LMCD1: variants seen among roughly 807,000 people sequenced by gnomAD.
The protein encoded by LMCD1 is LIM and cysteine rich domains 1.
A neutral mutation model predicts 42.7 loss-of-function variants in LMCD1; 32 were observed. The ratio of observed to expected loss-of-function variants is 0.75; its 90% CI spans 0.57 to 1.01. The LOEUF (loss-of-function observed/expected upper bound fraction) is 1.01, where lower values mean the gene tolerates loss of function less well. Ranked by LOEUF, LMCD1 falls within the 50% of genes least tolerant of loss-of-function variation. The pLI is 0.00. For missense variants in LMCD1, 458 were observed against 483.1 expected (o/e 0.95, Z 0.49); for synonymous variants, 178 against 184.9 (o/e 0.96, Z 0.30).
chr3:8,548,584 A>C lies in LMCD1; in HGVS notation c.404A>C (p.Glu135Ala), dbSNP rs750712548. The C allele has an allele frequency of 6.2e-7, 1 of 1,612,612 alleles. No homozygotes were observed. Among genetic ancestry groups the C allele is most frequent in the Non-Finnish European group, 8.5e-7 (1 of 1,178,942 alleles). The change falls in exon 4 of 6, where the codon GAG (glutamate) becomes GCG (alanine). Residue 135 changes from glutamate to alanine, a missense_variant. Transcript: ENST00000157600. ...VTQKLGLQYM[E>A]LIPKEKQPVT... ...CCTCCCTAGGGACTGCAGTACATGG[A>C]GCTCATCCCCAAGGAGAAGCAGCCA...
chr3:8,564,603 CTCTT>C lies in LMCD1; in HGVS notation c.724-828_724-825del, dbSNP rs202006953. Among the ~76,000 whole-genome samples the C allele has an allele frequency of 3.9e-5, 6 of 152,310 alleles. No individual in the cohort carries two copies. The East Asian group carries it at 1.2e-3, about 29-fold the overall frequency. On this transcript the variant is annotated intron_variant, in intron 4 of 5. Coordinates refer to ENST00000157600, the MANE Select transcript of LMCD1 (RefSeq NM_014583.4). ...ATTATTTATTAAATATTATTTAAAA[CTCTT>C]CATGCACGGGTAAAAAGATCCATTC... is the stretch of plus-strand genomic sequence containing the variant.
At chr3:8,509,749 G>T (rs1574945554) in intron 1 of LMCD1, among the ~76,000 whole-genome samples, 1 of 152,200 alleles carries the variant, frequency 6.6e-6, no homozygotes, top group East Asian at 1.9e-4. Context: ...CACCTTCAGA[G>T]CCACATCTCA....
chr3:8,539,601 C>T (rs1694578758), intron 3 of LMCD1, among the ~76,000 whole-genome samples: 1 of 152,056 alleles, frequency 6.6e-6, no homozygotes, highest in Admixed American at 6.5e-5. Context: ...GCTTCAGGGA[C>T]CGGCTGGTGA....
At chr3:8,524,200 GAAAAAAAA>G (rs767993356) in intron 1 of LMCD1, among the ~76,000 whole-genome samples, 1 of 87,482 alleles carries the variant, frequency 1.1e-5, no homozygotes, top group African/African-American at 4.3e-5. Flanking sequence ...ACTTCTTAAG[GAAAAAAAA>G]AAAAAAAAAA....
At chr3:8,513,880 G>A (rs1254087235) in intron 1 of LMCD1, among the ~76,000 whole-genome samples, 1 of 152,046 alleles carries the variant, frequency 6.6e-6, no homozygotes, top group Non-Finnish European at 1.5e-5. Flanking sequence ...AAAGTGAAAG[G>A]CAATCCACAG....
intron 1 of LMCD1, among the ~76,000 whole-genome samples, chr3:8,510,015 A>G (rs536073558): frequency 2.0e-5 from 3 of 152,220 alleles, no homozygotes; most frequent in African/African-American, 7.2e-5. Context: ...TTTGGGTTGT[A>G]TTTTTCACAG....
At position 8,571,304 on chromosome 3, in the gene LMCD1, C is replaced by T. The variant is rs1695213854; in HGVS notation, c.*3706C>T. ...ATTTCCCCAACTCTTAGTACAAATC[C>T]TGGCAACTAAATGAAAGAACAAACA... is the stretch of plus-strand genomic sequence containing the variant. On this transcript the variant is annotated 3_prime_UTR_variant, in exon 6 of 6. Coordinates refer to ENST00000157600, the MANE Select transcript of LMCD1 (RefSeq NM_014583.4). 6.6e-6 allele frequency: 1 copy of T among 152,162 alleles called. No homozygotes were observed. The allele number at this position is 152,162 out of a possible 1,614,324, so 9.4% of individuals were successfully genotyped here.
intron 3 of LMCD1, among the ~76,000 whole-genome samples, chr3:8,542,292 A>G (rs1484232700): frequency 6.6e-6 from 1 of 152,086 alleles, no homozygotes; most frequent in Non-Finnish European, 1.5e-5. Context: ...ATGAACCACC[A>G]TGCCCAGCCC....
chr3:8,535,192 C>G (rs1694487674), intron 2 of LMCD1, among the ~76,000 whole-genome samples: 1 of 152,226 alleles, frequency 6.6e-6, no homozygotes, highest in South Asian at 2.1e-4. Flanking sequence ...TCCCCTGATA[C>G]TGCCTAGTGC....
At chr3:8,550,555 A>G in intron 4 of LMCD1, 3 of 985,198 alleles carry the variant, frequency 3.0e-6, no homozygotes, top group Non-Finnish European at 3.6e-6. Context: ...GGGATTGCCA[A>G]CCAAGAAACT....
intron 1 of LMCD1, among the ~76,000 whole-genome samples, chr3:8,516,003 G>A (rs779554970): frequency 5.3e-5 from 8 of 152,096 alleles, no homozygotes; most frequent in South Asian, 2.1e-4. Context: ...GGAAGCCAGC[G>A]CACCAAACCA....
intron 4 of LMCD1, 58 bp from the exon 5 acceptor site, chr3:8,565,374 C>T (rs1695110099): frequency 6.8e-7 from 1 of 1,477,794 alleles, no homozygotes; most frequent in Non-Finnish European, 9.4e-7. Context: ...AATTCGAACC[C>T]ATGTCACTGT....
chr3:8,562,706 C>T (rs531334493), intron 4 of LMCD1, among the ~76,000 whole-genome samples: 1 of 152,332 alleles, frequency 6.6e-6, no homozygotes, highest in East Asian at 1.9e-4. Context: ...CATTCCCTTA[C>T]CCTGTGATTG....
At chr3:8,553,948 CG>C (rs1694885014) in intron 4 of LMCD1, among the ~76,000 whole-genome samples, 1 of 152,082 alleles carries the variant, frequency 6.6e-6, no homozygotes, top group Admixed American at 6.6e-5. Context: ...TCCCATTGTG[CG>C]GGGATGGAGG....
chr3:8,557,169 A>G (rs984904996), intron 4 of LMCD1, among the ~76,000 whole-genome samples: 2 of 152,200 alleles, frequency 1.3e-5, no homozygotes, highest in African/African-American at 4.8e-5. Context: ...TGGGAAGACT[A>G]TACAGTGTGG....
intron 2 of LMCD1, among the ~76,000 whole-genome samples, chr3:8,536,154 A>G (rs1694503856): frequency 6.6e-6 from 1 of 152,172 alleles, no homozygotes; most frequent in African/African-American, 2.4e-5. Flanking sequence ...ATTCAGCTGC[A>G]GTGACCTCCC....
At chr3:8,538,797 C>A (rs557719759) in intron 3 of LMCD1, among the ~76,000 whole-genome samples, 152 of 121,328 alleles carry the variant, frequency 1.3e-3, no homozygotes, top group African/African-American at 5.0e-3. Flanking sequence ...GGGCAGACAC[C>A]CTGCCTGTCC....
At chr3:8,520,196 T>C (rs1480937272) in intron 1 of LMCD1, among the ~76,000 whole-genome samples, 2 of 152,116 alleles carry the variant, frequency 1.3e-5, no homozygotes, top group African/African-American at 4.8e-5. Flanking sequence ...TCAGTAGGAC[T>C]GCAAATTTGG....
At chr3:8,521,513 C>T (rs571489253) in intron 1 of LMCD1, among the ~76,000 whole-genome samples, 5 of 152,316 alleles carry the variant, frequency 3.3e-5, no homozygotes, top group African/African-American at 1.2e-4. Context: ...GCCCAGCCTG[C>T]GAATGATTTT....
Sources: allele counts gnomAD v4.1 joint callset (sites outside exome capture counted in the v4.1 genomes callset), GRCh38; gene constraint gnomAD v4.1.1; transcripts MANE v1.5; gene names NCBI Gene and HGNC (gene_info 2026-07-23, HGNC 2026-07-21).